The following RALGAPA1 variants were observed in gnomAD, a reference collection of about 807,000 sequenced individuals.
RALGAPA1 encodes the protein ral GTPase-activating protein subunit alpha-1.
RALGAPA1 carries 52 observed loss-of-function variants against 269.6 expected under a neutral mutation model. That is an observed-to-expected ratio of 0.19 (90% CI 0.15 to 0.24). RALGAPA1 has a LOEUF of 0.24. Among genes scored for constraint, RALGAPA1 ranks in the 10% least tolerant of loss-of-function variants. The probability of loss-of-function intolerance (pLI) is 1.00; values close to 1 mark genes in which losing one functional copy is unlikely to be tolerated. For synonymous variants in RALGAPA1, 817 were observed against 1,008.3 expected, an observed-to-expected ratio of 0.81 and a Z score of 3.60; for missense variants, 1,917 against 3,013.9, an observed-to-expected ratio of 0.64 and a Z score of 8.52.
At chr14:35,541,922 G>C (rs1566634860) in intron 41 of RALGAPA1, 1 of 683,410 alleles carries the variant, frequency 1.5e-6, no homozygotes, top group East Asian at 6.5e-5. Flanking sequence ...GAGGAGCAGA[G>C]AGAGAGGAAT....
chr14:35,726,285 G>A (rs1331131833), intron 13 of RALGAPA1, among the ~76,000 whole-genome samples: 1 of 152,006 alleles, frequency 6.6e-6, no homozygotes, highest in African/African-American at 2.4e-5. Context: ...ATTTATTCAC[G>A]GAATAAAAAT....
rs1480304129 is a variant in RALGAPA1 at position 35,793,047 on chromosome 14, C to A, written c.106+15683G>T. 2.6e-5 allele frequency among the ~76,000 whole-genome samples: 4 copies of A among 152,096 alleles called. No individual in the cohort carries two copies. The East Asian group carries it at 7.7e-4, about 29-fold the overall frequency. ...AAAGCCAGAAAAGAGCAGTAGTGGGCTAGGGAGATGTGAGGTTGCCCCATA... is the reference window on the plus strand; with the variant it reads ...AAAGCCAGAAAAGAGCAGTAGTGGGATAGGGAGATGTGAGGTTGCCCCATA... On this transcript the variant is annotated intron_variant, in intron 1 of 41. Transcript: ENST00000680220.
chr14:35,651,726 A>ATTTAAT, intron 31 of RALGAPA1, 79 bp downstream of exon 31: 1 of 1,312,398 alleles, frequency 7.6e-7, no homozygotes, highest in East Asian at 2.5e-5. Flanking sequence ...CCATGTAAAT[A>ATTTAAT]TACATACCTT....
At chr14:35,775,990 A>G (rs2074994339) in intron 1 of RALGAPA1, among the ~76,000 whole-genome samples, 1 of 152,232 alleles carries the variant, frequency 6.6e-6, no homozygotes, top group Non-Finnish European at 1.5e-5. Flanking sequence ...ATTCAAAATC[A>G]TTAATCATAC....
At chr14:35,806,745 T>C (rs960411759) in intron 1 of RALGAPA1, among the ~76,000 whole-genome samples, 1 of 152,186 alleles carries the variant, frequency 6.6e-6, no homozygotes, top group Non-Finnish European at 1.5e-5. Flanking sequence ...AGTTTCCTCA[T>C]TGTGTTTACC....
At chr14:35,558,088 G>A (rs1432087532) in intron 39 of RALGAPA1, among the ~76,000 whole-genome samples, 2 of 151,384 alleles carry the variant, frequency 1.3e-5, no homozygotes. Context: ...AAATATCAGC[G>A]CATACAATAT....
In RALGAPA1 at chr14:35,605,617, T is replaced by C. The variant is rs773405501; in HGVS notation, c.7022A>G (p.Tyr2341Cys). ...ILTNTGGSQA[Y>C]EDFVAGLGWE... ...ACCAAGACCAGCTACAAAATCTTCA[T>C]ATGCTTGACTTCCTCCTGTATTGGT... The change falls in exon 36 of 42, where the codon TAT becomes TGT. Residue 2341 changes from tyrosine (Y) to cysteine (C), a missense_variant. Physicochemically the swap from Tyr to Cys is radical, Grantham distance 194 (BLOSUM62 -2). Transcript: ENST00000680220. 8.1e-6 allele frequency: 13 copies of C among 1,608,258 alleles called. No individual in the cohort carries two copies. Among genetic ancestry groups the C allele is most frequent in the Non-Finnish European group, 1.1e-5 (13 of 1,178,268 alleles).
chr14:35,678,425 C>A (rs1374081712), intron 21 of RALGAPA1, among the ~76,000 whole-genome samples: 1 of 152,182 alleles, frequency 6.6e-6, no homozygotes, highest in African/African-American at 2.4e-5. Context: ...CATTCTATTT[C>A]ACTTAAATCA....
rs115618730 is a variant in RALGAPA1 at position 35,696,689 on chromosome 14, T to C, written c.2407+3473A>G. Among the ~76,000 whole-genome samples, 1,346 of 152,268 alleles carry C rather than the reference T, an allele frequency of 8.8e-3. 29 individuals carry two copies. The highest frequency in any genetic ancestry group is 0.031 in the African/African-American group (1,302 of 41,566). On this transcript the variant is annotated intron_variant, in intron 17 of 41. Coordinates refer to ENST00000680220, the MANE Select transcript of RALGAPA1 (RefSeq NM_001346249.2). Reference sequence around the variant, plus strand: ...AGATAAATATTTTTCTAACAAATTCTACTTCTAACCATAAACTAGAGGTAG... The same window carrying C: ...AGATAAATATTTTTCTAACAAATTCCACTTCTAACCATAAACTAGAGGTAG...
intron 39 of RALGAPA1, chr14:35,564,310 G>A (rs920383413): frequency 3.3e-5 from 5 of 152,016 alleles, no homozygotes; most frequent in African/African-American, 1.2e-4. Context: ...AAATTACATA[G>A]TTTCTCAATA....
chr14:35,690,135 CA>C, intron 17 of RALGAPA1, 132 bp from the exon 18 acceptor site: 1 of 623,996 alleles, frequency 1.6e-6, no homozygotes, highest in Non-Finnish European at 2.6e-6. Context: ...AAAAAAAAAT[CA>C]AAATACAAAT....
intron 26 of RALGAPA1, among the ~76,000 whole-genome samples, chr14:35,666,087 C>T (rs1403653216): frequency 6.6e-6 from 1 of 151,576 alleles, no homozygotes; most frequent in African/African-American, 2.4e-5. Context: ...ACAATCTCAG[C>T]TCACTGCAAC....
At chr14:35,722,377 G>A (rs1304792497) in intron 15 of RALGAPA1, among the ~76,000 whole-genome samples, 1 of 152,150 alleles carries the variant, frequency 6.6e-6, no homozygotes, top group Non-Finnish European at 1.5e-5. Context: ...TTTGGGAGGT[G>A]GAGGTGGGCA....
chr14:35,749,459 C>T lies in RALGAPA1; in HGVS notation c.1012-635G>A, dbSNP rs548228396. Among the ~76,000 whole-genome samples, 150 of 152,230 alleles carry T rather than the reference C, an allele frequency of 9.9e-4. 1 individual carries two copies. The South Asian group carries it at 0.029, about 30-fold the overall frequency. ...TCTTAAGGTGGTGATAAGCAAATTA[C>T]TATATGGTAAAAGTAGCACTATTCT... On this transcript the variant is annotated intron_variant, in intron 9 of 41. Transcript: ENST00000680220.
intron 21 of RALGAPA1, 176 bp downstream of exon 21, chr14:35,683,633 T>A (rs1049851810): frequency 1.9e-6 from 1 of 528,302 alleles, no homozygotes. Context: ...CTTAACCCAG[T>A]GGACCTCAGG....
At chr14:35,695,343 A>G (rs2066818724) in intron 17 of RALGAPA1, among the ~76,000 whole-genome samples, 1 of 152,186 alleles carries the variant, frequency 6.6e-6, no homozygotes, top group Non-Finnish European at 1.5e-5. Context: ...AAAATTCTTG[A>G]TTGTATAAAG....
chr14:35,760,256 C>T (rs1385961090), intron 6 of RALGAPA1, among the ~76,000 whole-genome samples: 1 of 152,026 alleles, frequency 6.6e-6, no homozygotes. Flanking sequence ...TATGTCCTTC[C>T]CAGGGCTAGC....
In RALGAPA1 at chr14:35,714,800, T is replaced by C. The variant is rs565271174; in HGVS notation, c.2266+6888A>G. Among the ~76,000 whole-genome samples the C allele has an allele frequency of 1.1e-3, 168 of 152,318 alleles. 1 individual carries two copies. The highest frequency in any genetic ancestry group is 2.3e-3 in the Non-Finnish European group (154 of 68,006). ...AAGTTATTTCATGAAGGTCAATCCA[T>C]AGCAAAGTATTTTAAGCTTTTGTCT... On this transcript the variant is annotated intron_variant, in intron 16 of 41. Coordinates refer to ENST00000680220, the MANE Select transcript of RALGAPA1 (RefSeq NM_001346249.2).
chr14:35,768,595 T>C (rs1225463924), intron 4 of RALGAPA1, among the ~76,000 whole-genome samples: 1 of 151,910 alleles, frequency 6.6e-6, no homozygotes, highest in Non-Finnish European at 1.5e-5. Flanking sequence ...CTTAAGAGGC[T>C]GAGTAGGGGG....
Sources: gnomAD v4.1 joint callset for allele counts (sites outside exome capture counted in the v4.1 genomes callset) on GRCh38, gnomAD v4.1.1 for gene constraint, MANE v1.5 for transcripts, NCBI Gene and HGNC (gene_info 2026-07-23, HGNC 2026-07-21) for gene names.